The following RABGAP1L variants were observed in gnomAD, a reference collection of about 807,000 sequenced individuals.
The protein encoded by RABGAP1L is rab GTPase-activating protein 1-like.
A neutral mutation model predicts 137.7 loss-of-function variants in RABGAP1L; 63 were observed. The observed-to-expected ratio is 0.46, with a 90% confidence interval of 0.37 to 0.56. The LOEUF is 0.56. Ranked by LOEUF, RABGAP1L falls within the 20% of genes least tolerant of loss-of-function variation. The probability of loss-of-function intolerance (pLI) is 0.00; values close to 1 mark genes in which losing one functional copy is unlikely to be tolerated. For synonymous variants in RABGAP1L, 431 were observed against 433.7 expected (o/e 0.99, Z 0.08); for missense variants, 1,095 against 1,244.0 (o/e 0.88, Z 1.80).
At chr1:174,207,090 T>C (rs1668562629) in intron 1 of RABGAP1L, among the ~76,000 whole-genome samples, 1 of 152,210 alleles carries the variant, frequency 6.6e-6, no homozygotes. Context: ...TATTTCCGTA[T>C]ATCTTTAAAA....
At chr1:174,342,401 C>T (rs541247976) in intron 11 of RABGAP1L, among the ~76,000 whole-genome samples, 3 of 152,080 alleles carry the variant, frequency 2.0e-5, no homozygotes, top group Non-Finnish European at 4.4e-5. Context: ...TTTTCCCAAG[C>T]ACATGAATTA....
intron 13 of RABGAP1L, among the ~76,000 whole-genome samples, chr1:174,471,841 C>T (rs1397898114): frequency 6.6e-6 from 1 of 152,120 alleles, no homozygotes; most frequent in Non-Finnish European, 1.5e-5. Context: ...ACCCATAATC[C>T]CCAATATGAC....
chr1:174,621,309 C>CA (rs1672441336), intron 13 of RABGAP1L, among the ~76,000 whole-genome samples: 1 of 152,224 alleles, frequency 6.6e-6, no homozygotes, highest in East Asian at 1.9e-4. Flanking sequence ...ATGCCATCCC[C>CA]ATCAAGCTAC....
chr1:174,539,938 A>G (rs1665230704), intron 13 of RABGAP1L, among the ~76,000 whole-genome samples: 1 of 152,174 alleles, frequency 6.6e-6, no homozygotes, highest in Non-Finnish European at 1.5e-5. Context: ...ATTTCTCCAC[A>G]TCCTCTCCAG....
chr1:174,619,349 C>A (rs1442740823), intron 13 of RABGAP1L, among the ~76,000 whole-genome samples: 4 of 152,038 alleles, frequency 2.6e-5, no homozygotes, highest in Non-Finnish European at 4.4e-5. Context: ...AGATTCACCA[C>A]AGTGGAAATG....
intron 13 of RABGAP1L, among the ~76,000 whole-genome samples, chr1:174,407,486 A>G (rs560490384): frequency 1.5e-4 from 23 of 152,204 alleles, no homozygotes; most frequent in African/African-American, 4.6e-4. Context: ...TTAATAGCCT[A>G]TTGTTGAGTG....
chr1:174,270,091 G>A (rs1309451359), intron 7 of RABGAP1L, among the ~76,000 whole-genome samples: 1 of 152,074 alleles, frequency 6.6e-6, no homozygotes, highest in Non-Finnish European at 1.5e-5. Flanking sequence ...TGTAATTTAA[G>A]TGCTTAAAGT....
At chr1:174,308,719 C>T (rs1374792985) in intron 11 of RABGAP1L, among the ~76,000 whole-genome samples, 1 of 151,766 alleles carries the variant, frequency 6.6e-6, no homozygotes, top group Non-Finnish European at 1.5e-5. Context: ...TTCTGTTTAT[C>T]CCATTGGTCT....
intron 14 of RABGAP1L, among the ~76,000 whole-genome samples, chr1:174,644,706 A>G (rs963152025): frequency 2.0e-5 from 3 of 152,060 alleles, no homozygotes; most frequent in African/African-American, 4.8e-5. Context: ...TTGTTCTTGA[A>G]TGGATTATTT....
At chr1:174,609,063 A>C (rs1670992220) in intron 13 of RABGAP1L, among the ~76,000 whole-genome samples, 1 of 152,168 alleles carries the variant, frequency 6.6e-6, no homozygotes, top group Non-Finnish European at 1.5e-5. Flanking sequence ...CTTATGCCTA[A>C]TTACCTTAAC....
At chr1:174,432,463 A>G (rs1652752291) in intron 13 of RABGAP1L, among the ~76,000 whole-genome samples, 1 of 152,186 alleles carries the variant, frequency 6.6e-6, no homozygotes, top group East Asian at 1.9e-4. Context: ...GGTAATTTTT[A>G]TGTTACTTTA....
In RABGAP1L at chr1:174,699,632, G is replaced by A. The variant is rs1215994124; in HGVS notation, c.2007G>A (p.Gln669=). Reference sequence around the variant, plus strand: ...AAGATCTTCATTGCAAATTCTACCAGTTGGAGAGACTAATGCAGGTAAATA... The same window carrying A: ...AAGATCTTCATTGCAAATTCTACCAATTGGAGAGACTAATGCAGGTAAATA... ...NFEDLHCKFY[Q]LERLMQEQLP... Residue 669 remains glutamine (Q), a synonymous_variant, in exon 16 of 26, where the codon CAG becomes CAA. Transcript: ENST00000681986. 2.5e-6 allele frequency: 4 copies of A among 1,607,910 alleles called. No individual in the cohort carries two copies. Among genetic ancestry groups the A allele is most frequent in the Non-Finnish European group, 3.4e-6 (4 of 1,174,654 alleles).
At chr1:174,780,683 A>AG (rs1447886212) in intron 18 of RABGAP1L, among the ~76,000 whole-genome samples, 3 of 149,836 alleles carry the variant, frequency 2.0e-5, no homozygotes, top group African/African-American at 2.4e-5. Context: ...CTCGTCATTT[A>AG]CATTAGGTAT....
intron 18 of RABGAP1L, among the ~76,000 whole-genome samples, chr1:174,773,227 C>A (rs1037064931): frequency 6.6e-6 from 1 of 151,020 alleles, no homozygotes; most frequent in Non-Finnish European, 1.5e-5. Context: ...GAGATTATAT[C>A]CTACTTGATA....
intron 11 of RABGAP1L, among the ~76,000 whole-genome samples, chr1:174,328,024 T>TATATATATAC (rs1348906110): frequency 8.4e-6 from 1 of 119,508 alleles, no homozygotes; most frequent in African/African-American, 3.1e-5. Context: ...TATATATATA[T>TATATATATAC]ACCCAACATC....
At chr1:174,466,766 G>A (rs556654232) in intron 13 of RABGAP1L, among the ~76,000 whole-genome samples, 3 of 152,300 alleles carry the variant, frequency 2.0e-5, no homozygotes, top group South Asian at 4.1e-4. Context: ...TAGTCTGGGC[G>A]AGAGAGCGAG....
intron 19 of RABGAP1L, among the ~76,000 whole-genome samples, chr1:174,866,876 G>A (rs1198358127): frequency 2.0e-5 from 3 of 151,962 alleles, no homozygotes; most frequent in East Asian, 1.9e-4. Context: ...TCGTGCCACT[G>A]CACTCCACCC....
chr1:174,282,110 T>G (rs1402288209), intron 10 of RABGAP1L, among the ~76,000 whole-genome samples: 1 of 152,244 alleles, frequency 6.6e-6, no homozygotes, highest in Non-Finnish European at 1.5e-5. Context: ...TTCATGTGGT[T>G]AATTAAAGCT....
chr1:174,610,524 C>A (rs183948138), intron 13 of RABGAP1L, among the ~76,000 whole-genome samples: 1 of 151,822 alleles, frequency 6.6e-6, no homozygotes, highest in East Asian at 1.9e-4. Context: ...TACGTGTGCA[C>A]GTGTCTTTAT....
Sources: allele counts gnomAD v4.1 joint callset (sites outside exome capture counted in the v4.1 genomes callset), GRCh38; gene constraint gnomAD v4.1.1; transcripts MANE v1.5; gene names NCBI Gene and HGNC (gene_info 2026-07-23, HGNC 2026-07-21).